LYPLAL1: variants seen among roughly 807,000 people sequenced by gnomAD.
The protein encoded by LYPLAL1 is lysophospholipase-like protein 1.
A neutral mutation model predicts 19.7 loss-of-function variants in LYPLAL1; 23 were observed. That is an observed-to-expected ratio of 1.17 (90% CI 0.84 to 1.65). The LOEUF (loss-of-function observed/expected upper bound fraction) is 1.65. LYPLAL1 is among the 40% of genes most tolerant of loss of function. The probability of loss-of-function intolerance (pLI) is 0.00; values close to 1 mark genes in which losing one functional copy is unlikely to be tolerated. For synonymous variants in LYPLAL1, 119 were observed against 96.3 expected (o/e 1.24, Z -1.38); for missense variants, 355 against 279.4 (o/e 1.27, Z -1.93).
chr1:219,398,584 C>G, the LYPLAL1 span, among the ~76,000 whole-genome samples: 1 of 152,144 alleles, frequency 6.6e-6, no homozygotes, highest in Non-Finnish European at 1.5e-5. Context: ...AGTTCAGACC[C>G]TTGCTGAGGA....
At chr1:219,358,015 T>C in the LYPLAL1 span, among the ~76,000 whole-genome samples, 1 of 152,218 alleles carries the variant, frequency 6.6e-6, no homozygotes, top group Non-Finnish European at 1.5e-5. Flanking sequence ...GGTCAGTGTT[T>C]GCCGTCCACA....
chr1:219,427,053 A>T, the LYPLAL1 span, among the ~76,000 whole-genome samples: 2 of 152,242 alleles, frequency 1.3e-5, no homozygotes, highest in African/African-American at 4.8e-5. Context: ...CTTCATATTT[A>T]AAAATAAGTA....
At chr1:219,299,889 G>A in the LYPLAL1 span, among the ~76,000 whole-genome samples, 1 of 152,026 alleles carries the variant, frequency 6.6e-6, no homozygotes, top group Non-Finnish European at 1.5e-5. Context: ...ACACACATAG[G>A]TATGTATGAA....
At chr1:219,399,772 C>T in the LYPLAL1 span, among the ~76,000 whole-genome samples, 1,724 of 152,230 alleles carry the variant, frequency 0.011, 36 homozygotes, top group African/African-American at 0.038. Flanking sequence ...GTCGGTCAGA[C>T]CAGCCCCATC....
the LYPLAL1 span, among the ~76,000 whole-genome samples, chr1:219,276,167 C>T: frequency 1.3e-5 from 2 of 152,078 alleles, no homozygotes; most frequent in Middle Eastern, 3.2e-3. Flanking sequence ...TTCAGCTGGT[C>T]CCACTTGAAG....
the LYPLAL1 span, among the ~76,000 whole-genome samples, chr1:219,373,892 A>AAC: frequency 3.3e-5 from 5 of 150,434 alleles, no homozygotes; most frequent in African/African-American, 9.8e-5. Context: ...CAAAAAAAAA[A>AAC]ACACAAAAAC....
At chr1:219,233,124 T>A in the LYPLAL1 span, among the ~76,000 whole-genome samples, 2 of 152,190 alleles carry the variant, frequency 1.3e-5, no homozygotes, top group Non-Finnish European at 2.9e-5. Flanking sequence ...CAAATGTCCA[T>A]CAATAGATGA....
At chr1:219,343,190 A>G in the LYPLAL1 span, among the ~76,000 whole-genome samples, 1 of 152,234 alleles carries the variant, frequency 6.6e-6, no homozygotes, top group African/African-American at 2.4e-5. Flanking sequence ...GAATAAAATG[A>G]ACTTTATTAG....
chr1:219,199,490 T>C (rs1657897891), intron 3 of LYPLAL1, among the ~76,000 whole-genome samples: 1 of 152,010 alleles, frequency 6.6e-6, no homozygotes, highest in Non-Finnish European at 1.5e-5. Context: ...CCGCCCAAGC[T>C]GGAGTGCAGT....
chr1:219,300,192 C>T, the LYPLAL1 span, among the ~76,000 whole-genome samples: 1 of 152,116 alleles, frequency 6.6e-6, no homozygotes, highest in Non-Finnish European at 1.5e-5. Flanking sequence ...CTATGTTCCC[C>T]AGGCTGGTCT....
the LYPLAL1 span, among the ~76,000 whole-genome samples, chr1:219,375,709 A>T: frequency 6.6e-6 from 1 of 151,080 alleles, no homozygotes; most frequent in Non-Finnish European, 1.5e-5. Flanking sequence ...AAAAAGAAAA[A>T]CCAAATTGGA....
chr1:219,253,770 G>A, the LYPLAL1 span, among the ~76,000 whole-genome samples: 1 of 152,054 alleles, frequency 6.6e-6, no homozygotes, highest in African/African-American at 2.4e-5. Flanking sequence ...TGGGTGGAGA[G>A]TTCTATGAAG....
At chr1:219,391,394 G>A in the LYPLAL1 span, among the ~76,000 whole-genome samples, 5 of 152,134 alleles carry the variant, frequency 3.3e-5, no homozygotes, top group African/African-American at 1.2e-4. Context: ...AATACAGACT[G>A]TTGCCATCTC....
the LYPLAL1 span, among the ~76,000 whole-genome samples, chr1:219,373,021 G>A: frequency 1.1e-4 from 16 of 152,126 alleles, no homozygotes; most frequent in Non-Finnish European, 5.9e-5. Context: ...TGTCCTAAAG[G>A]CAAAAATAAC....
At chr1:219,364,998 G>GA in the LYPLAL1 span, among the ~76,000 whole-genome samples, 1 of 152,026 alleles carries the variant, frequency 6.6e-6, no homozygotes, top group Non-Finnish European at 1.5e-5. Context: ...GTGTTTGGTG[G>GA]AAAATCTGAT....
chr1:219,340,519 T>C, the LYPLAL1 span, among the ~76,000 whole-genome samples: 7 of 152,036 alleles, frequency 4.6e-5, no homozygotes, highest in Admixed American at 6.6e-5. Context: ...CATTAATGCT[T>C]ATTCCAGCTC....
intron 2 of LYPLAL1, among the ~76,000 whole-genome samples, chr1:219,181,549 T>G (rs2125032053): frequency 6.6e-6 from 1 of 152,282 alleles, no homozygotes; most frequent in South Asian, 2.1e-4. Flanking sequence ...CATAAACAAA[T>G]TTGAGAACAA....
the LYPLAL1 span, among the ~76,000 whole-genome samples, chr1:219,226,591 GAA>G: frequency 2.8e-5 from 4 of 142,556 alleles, no homozygotes; most frequent in Admixed American, 7.0e-5. Context: ...ATAACACATA[GAA>G]AAAAAAAAAA....
chr1:219,252,877 C>T, the LYPLAL1 span, among the ~76,000 whole-genome samples: 4 of 152,020 alleles, frequency 2.6e-5, no homozygotes, highest in Non-Finnish European at 5.9e-5. Context: ...CATCTTTGTA[C>T]ATCTGGTACA....
Sources: allele counts gnomAD v4.1 joint callset (sites outside exome capture counted in the v4.1 genomes callset), GRCh38; gene constraint gnomAD v4.1.1; transcripts MANE v1.5; gene names NCBI Gene and HGNC (gene_info 2026-07-23, HGNC 2026-07-21).